HMCN2: variants seen among roughly 807,000 people sequenced by gnomAD.
HMCN2 encodes hemicentin-2.
HMCN2 carries 325 observed loss-of-function variants against 377.5 expected under a neutral mutation model. The ratio of observed to expected loss-of-function variants is 0.86; its 90% confidence interval spans 0.79 to 0.94. HMCN2 has a LOEUF of 0.94. HMCN2 is among the 40% of genes least tolerant of loss of function. The pLI, the probability that HMCN2 is intolerant of heterozygous loss-of-function variation, is 0.00. For synonymous variants in HMCN2, 2,007 were observed against 2,046.8 expected (o/e 0.98, Z 0.53); for missense variants, 4,543 against 4,725.3 (o/e 0.96, Z 1.13).
rs1178318079 is a variant in HMCN2, at chr9:130,308,576, C to A, written c.2200+1010C>A. 6.6e-6 allele frequency among the ~76,000 whole-genome samples: 1 copy of A among 152,186 alleles called. No individual in the cohort carries two copies. Among genetic ancestry groups the A allele is most frequent in the Non-Finnish European group, 1.5e-5 (1 of 68,044 alleles). On this transcript the variant is annotated intron_variant, in intron 14 of 97. Coordinates refer to ENST00000683500, the MANE Select transcript of HMCN2 (RefSeq NM_001291815.2). The surrounding 1 kb of genome is among the most constrained non-coding windows in gnomAD (Gnocchi z 4.1). ...GGACCTCATCAGAGCCTCACCCTGACTCTGAGAAAGGCAGGGCAGGTGATA... is the reference window on the plus strand; with the variant it reads ...GGACCTCATCAGAGCCTCACCCTGAATCTGAGAAAGGCAGGGCAGGTGATA...
At chr9:130,328,785 G>T (rs1024462632) in intron 22 of HMCN2, among the ~76,000 whole-genome samples, 1 of 152,132 alleles carries the variant, frequency 6.6e-6, no homozygotes, top group Non-Finnish European at 1.5e-5. Context: ...CTGCAAAGTG[G>T]ACATTATTTA....
intron 52 of HMCN2, among the ~76,000 whole-genome samples, chr9:130,377,256 G>A (rs1841437433): frequency 1.3e-5 from 2 of 152,072 alleles, no homozygotes; most frequent in Non-Finnish European, 2.9e-5. Flanking sequence ...TGGGATTATA[G>A]GCGCCCGCCA....
Position 130,356,075 on chromosome 9 carries a change from C to T in HMCN2, c.5256-13C>T. The stretch of plus-strand genomic sequence containing the variant: ...GTCTCAGGTTGACACGCCCCCCTCC[C>T]TACTCACCTTAGGTGGCTGCAGAAT... On this transcript the variant is annotated splice_polypyrimidine_tract_variant and intron_variant, in intron 33 of 97. Coordinates refer to ENST00000683500, the MANE Select transcript of HMCN2 (RefSeq NM_001291815.2). 7.9e-7 allele frequency: 1 copy of T among 1,262,780 alleles called. No homozygotes were observed. Among genetic ancestry groups the T allele is most frequent in the Non-Finnish European group, 1.0e-6 (1 of 971,466 alleles). 78.2% of individuals were successfully genotyped at this position (1,262,780 alleles called of 1,614,324 possible). A position where few individuals can be genotyped will look rare whatever the true frequency, so the allele number is the denominator to read the frequency against.
At chr9:130,384,902 A>AG (rs1379252923) in intron 59 of HMCN2, 104 bp downstream of exon 59, 4 of 751,870 alleles carry the variant, frequency 5.3e-6, no homozygotes, top group Admixed American at 4.9e-5. Context: ...CAGGAGGCAC[A>AG]GGGGGAGGCT....
rs1840603892 is a variant in HMCN2 at position 130,364,822 on chromosome 9, GGA to G, written c.6342_6343del (p.Trp2114Ter). 1 of 986,028 alleles carries G rather than the reference GGA, an allele frequency of 1.0e-6. No homozygotes were observed. The highest frequency in any genetic ancestry group is 1.2e-6 in the Non-Finnish European group (1 of 830,040). The allele number at this position is 986,028 out of a possible 1,614,324, so 61.1% of individuals were successfully genotyped here. A position where few individuals can be genotyped will look rare whatever the true frequency, so the allele number is the denominator to read the frequency against. On this transcript the variant is annotated stop_gained and frameshift_variant, in exon 41 of 98. Transcript: ENST00000683500. LOFTEE classifies it high-confidence loss of function. ...ATGCCCCCTCCTGTGCTGAGCTGGTGGAAGGACGGGCGGCCCCTGGAACCACG... is the reference window on the plus strand; with the variant it reads ...ATGCCCCCTCCTGTGCTGAGCTGGTGAGGACGGGCGGCCCCTGGAACCACG...
rs1554932305 is a variant in HMCN2 at position 130,296,756 on chromosome 9, T to G, written c.974T>G (p.Leu325Trp). The change falls in exon 7 of 98, where the codon TTG becomes TGG. Residue 325 changes from leucine (L) to tryptophan (W), a missense_variant. This residue lies in a region of HMCN2 where 547 missense variants were observed against 189.9 expected (regional missense o/e 2.88). Transcript: ENST00000683500. ...DFRAGFSTQPLLDLNHTLEWP... is the reference protein window; with the variant it reads ...DFRAGFSTQPWLDLNHTLEWP... ...CGAGCCGGCTTCTCCACTCAGCCCTTGCTGGACCTCAACCACACCCTCGAG... is the reference window on the plus strand; with the variant it reads ...CGAGCCGGCTTCTCCACTCAGCCCTGGCTGGACCTCAACCACACCCTCGAG... 1 of 471,198 alleles carries G rather than the reference T, an allele frequency of 2.1e-6. No individual in the cohort carries two copies. The highest frequency in any genetic ancestry group is 2.3e-5 in the Admixed American group (1 of 42,584). The allele number at this position is 471,198 out of a possible 1,614,324, so 29.2% of individuals were successfully genotyped here. A position where few individuals can be genotyped will look rare whatever the true frequency, so the allele number is the denominator to read the frequency against.
intron 59 of HMCN2, 35 bp downstream of exon 59, chr9:130,384,833 C>T (rs1253093106): frequency 1.6e-6 from 2 of 1,239,094 alleles, no homozygotes; most frequent in Non-Finnish European, 2.1e-6. Context: ...TGTACTGTCC[C>T]CACTCCTTCA....
rs865991692 is a variant in HMCN2 at position 130,360,166 on chromosome 9, G to A, written c.5774-262G>A. 2.6e-5 allele frequency among the ~76,000 whole-genome samples: 4 copies of A among 151,980 alleles called. No individual in the cohort carries two copies. Among genetic ancestry groups the A allele is most frequent in the African/African-American group, 7.3e-5 (3 of 41,352 alleles). On this transcript the variant is annotated intron_variant, in intron 37 of 97. Coordinates refer to ENST00000683500, the MANE Select transcript of HMCN2 (RefSeq NM_001291815.2). This position sits in a 1 kb window ranked among gnomAD's most constrained non-coding sequence, Gnocchi z 4.7. ...GGGCAACATTGCCCGGTTCCATCCCGGTTCCCTTTCCTGAATGAAGAACTC... is the reference window on the plus strand; with the variant it reads ...GGGCAACATTGCCCGGTTCCATCCCAGTTCCCTTTCCTGAATGAAGAACTC...
intron 4 of HMCN2, among the ~76,000 whole-genome samples, chr9:130,291,428 T>G (rs1384928139): frequency 6.6e-6 from 1 of 152,208 alleles, no homozygotes; most frequent in Admixed American, 6.5e-5. Context: ...CAGGCTAGTC[T>G]CAAACTTCTG....
At position 130,351,094 on chromosome 9, in the gene HMCN2, C is replaced by T. The variant is rs1274840693; in HGVS notation, c.4431-329C>T. Among the ~76,000 whole-genome samples the T allele has an allele frequency of 6.6e-6, 1 of 152,204 alleles. No individual in the cohort carries two copies. The highest frequency in any genetic ancestry group is 1.5e-5 in the Non-Finnish European group (1 of 68,040). ...CTGCTTTCCTTCTCTATGGACGTGC[C>T]TGTTCTGGGTACTTCACATCACTGG... On this transcript the variant is annotated intron_variant, in intron 29 of 97. Coordinates refer to ENST00000683500, the MANE Select transcript of HMCN2 (RefSeq NM_001291815.2). The surrounding 1 kb of genome is among the most constrained non-coding windows in gnomAD (Gnocchi z 5.4).
chr9:130,362,341 G>C (rs933376834), intron 39 of HMCN2, among the ~76,000 whole-genome samples, 176 bp downstream of exon 39: 1 of 152,212 alleles, frequency 6.6e-6, no homozygotes, highest in African/African-American at 2.4e-5. Flanking sequence ...CAATGGTAAC[G>C]ATACATTCCA....
intron 86 of HMCN2, 149 bp downstream of exon 86, chr9:130,419,190 T>G: frequency 1.4e-6 from 1 of 714,578 alleles, no homozygotes; most frequent in Non-Finnish European, 2.1e-6. Flanking sequence ...AATGAACCCC[T>G]ACCCTGCCCG....
intron 19 of HMCN2, among the ~76,000 whole-genome samples, chr9:130,324,959 A>C (rs1052389127): frequency 4.7e-5 from 7 of 148,098 alleles, no homozygotes; most frequent in African/African-American, 1.5e-4. Flanking sequence ...GGACAAATGC[A>C]GTGACCCATC....
intron 8 of HMCN2, among the ~76,000 whole-genome samples, chr9:130,299,628 C>A (rs1836374658): frequency 2.0e-5 from 3 of 151,262 alleles, no homozygotes; most frequent in Non-Finnish European, 4.4e-5. Context: ...CCCATCCACT[C>A]ACCCATCCAT....
At chr9:130,302,691 C>T (rs1836583153) in intron 8 of HMCN2, among the ~76,000 whole-genome samples, 166 bp from the exon 9 acceptor site, 2 of 152,192 alleles carry the variant, frequency 1.3e-5, no homozygotes, top group South Asian at 4.1e-4. Context: ...GTACCATGAT[C>T]ACCCCATTTT....
In HMCN2 at chr9:130,433,188, T is replaced by C. The variant is rs1294914592; in HGVS notation, c.14895-160T>C. ...TGTTGAACTCTAAAACGGGCTAGCG[T>C]GGGAGCCTGCAGAGAAGGCGTGTGG... is the stretch of plus-strand genomic sequence containing the variant. On this transcript the variant is annotated intron_variant, in intron 97 of 97. Coordinates refer to ENST00000683500, the MANE Select transcript of HMCN2 (RefSeq NM_001291815.2). 1.1e-5 allele frequency: 6 copies of C among 544,734 alleles called. No individual in the cohort carries two copies. In the East Asian group the frequency reaches 2.1e-4, roughly 19 times the overall value. 33.7% of individuals were successfully genotyped at this position (544,734 alleles called of 1,614,324 possible).
rs371438649 is a variant in HMCN2 at position 130,309,972 on chromosome 9, C to A, written c.2261C>A (p.Ala754Glu). 3 of 531,092 alleles carry A rather than the reference C, an allele frequency of 5.6e-6. No homozygotes were observed. The highest frequency in any genetic ancestry group is 1.2e-5 in the Non-Finnish European group (3 of 258,494). 32.9% of individuals were successfully genotyped at this position (531,092 alleles called of 1,614,324 possible). Residue 754 changes from alanine to glutamate, a missense_variant, in exon 15 of 98, where the codon GCG becomes GAG. Transcript: ENST00000683500. Reference sequence around the variant, plus strand: ...AGCTCTGGGAAGCTGCGGATCCCGGCGGCTCAGGAGAGGGATGCTGGCACC... The same window carrying A: ...AGCTCTGGGAAGCTGCGGATCCCGGAGGCTCAGGAGAGGGATGCTGGCACC... ...GSSSGKLRIPAAQERDAGTYT... is the reference protein window; with the variant it reads ...GSSSGKLRIPEAQERDAGTYT...
rs1217757299 is a variant in HMCN2 at position 130,430,350 on chromosome 9, A to C, written c.14393A>C (p.Tyr4798Ser). The C allele has an allele frequency of 6.5e-7, 1 of 1,548,552 alleles. No homozygotes were observed. Among genetic ancestry groups the C allele is most frequent in the Non-Finnish European group, 8.7e-7 (1 of 1,146,770 alleles). Residue 4798 changes from tyrosine to serine, a missense_variant, in exon 95 of 98, where the codon TAC becomes TCC. By Grantham distance (144) the Tyr-to-Ser change is moderately radical. This residue lies in a region of HMCN2 where 1,155 missense variants were observed against 1,157.7 expected (regional missense o/e 1.00). Coordinates refer to ENST00000683500, the MANE Select transcript of HMCN2 (RefSeq NM_001291815.2). ...AYQCHNLQGS[Y>S]RCLCPPGQTL... ...CAGTGCCACAACCTCCAGGGCAGCT[A>C]CCGCTGCCTGTGCCCCCCAGGCCAG... is the stretch of plus-strand genomic sequence containing the variant.
rs1196155741 is a variant in HMCN2 at position 130,302,851 on chromosome 9, CTACAG to C, written c.1277-5_1277-1del. 6 of 461,558 alleles carry C rather than the reference CTACAG, an allele frequency of 1.3e-5. No homozygotes were observed. Among genetic ancestry groups the C allele is most frequent in the Non-Finnish European group, 2.7e-5 (6 of 221,676 alleles). The allele number at this position is 461,558 out of a possible 1,614,324, so 28.6% of individuals were successfully genotyped here. On this transcript the variant is annotated splice_acceptor_variant and splice_polypyrimidine_tract_variant and intron_variant, in intron 8 of 97. Coordinates refer to ENST00000683500, the MANE Select transcript of HMCN2 (RefSeq NM_001291815.2). LOFTEE classifies it high-confidence loss of function. ...AGACATTCTGAGTCCTGGTCCCCGC[CTACAG>C]GCGCTCCCCTCGTCAGCATGGCCCC...
Sources: allele counts gnomAD v4.1 joint callset (sites outside exome capture counted in the v4.1 genomes callset), GRCh38; gene constraint gnomAD v4.1.1; regional missense constraint gnomAD v4.1.1; non-coding constraint Gnocchi (gnomAD v3.1); transcripts MANE v1.5; gene names NCBI Gene and HGNC (gene_info 2026-07-23, HGNC 2026-07-21).